Variants in PTGR3 observed in about 807,000 individuals in gnomAD.
The protein encoded by PTGR3 is zinc binding alcohol dehydrogenase domain containing 2.
At chr18:75,202,192 C>T in the PTGR3 span, 3 of 1,614,178 alleles carry the variant, frequency 1.9e-6, no homozygotes, top group Non-Finnish European at 1.7e-6. Flanking sequence ...TAAGCCACAG[C>T]TTGGCCAACT....
At chr18:75,201,518 A>G in the PTGR3 span, 2 of 1,614,222 alleles carry the variant, frequency 1.2e-6, no homozygotes, top group Non-Finnish European at 1.7e-6. Flanking sequence ...ACTCCAGGCC[A>G]GTAAACCTGC....
chr18:75,203,524 A>G, the PTGR3 span, among the ~76,000 whole-genome samples: 1 of 152,186 alleles, frequency 6.6e-6, no homozygotes, highest in Non-Finnish European at 1.5e-5. Context: ...ATCATCCCCC[A>G]TGTATCTACA....
At chr18:75,201,666 T>C in the PTGR3 span, 9 of 1,614,232 alleles carry the variant, frequency 5.6e-6, no homozygotes, top group African/African-American at 1.3e-5. Flanking sequence ...GGCAGATTTC[T>C]TGAGCAGTTT....
At chr18:75,207,029 G>T in the PTGR3 span, among the ~76,000 whole-genome samples, 1 of 152,146 alleles carries the variant, frequency 6.6e-6, no homozygotes, top group Non-Finnish European at 1.5e-5. Context: ...AAGCCTGAAG[G>T]GAGAGGAATC....
At chr18:75,204,678 C>T in the PTGR3 span, among the ~76,000 whole-genome samples, 1 of 152,108 alleles carries the variant, frequency 6.6e-6, no homozygotes, top group African/African-American at 2.4e-5. Flanking sequence ...CCCCAACTCC[C>T]GGGCGGGCCG....
chr18:75,196,841 A>G, the PTGR3 span: 1 of 152,122 alleles, frequency 6.6e-6, no homozygotes, highest in South Asian at 2.1e-4. Context: ...AATAGACTCG[A>G]GGACAATGTG....
chr18:75,205,489 G>C, the PTGR3 span: 2 of 985,406 alleles, frequency 2.0e-6, no homozygotes, highest in Non-Finnish European at 2.4e-6. Flanking sequence ...AAAAGAATAG[G>C]ACCGGCGCAG....
the PTGR3 span, chr18:75,209,025 T>A: frequency 6.3e-7 from 1 of 1,576,694 alleles, no homozygotes; most frequent in Non-Finnish European, 8.6e-7. The surrounding 1 kb of genome is among the most constrained non-coding windows in gnomAD (Gnocchi z 4.7). Context: ...ATGTCCACGA[T>A]GGCCCGGGCC....
chr18:75,204,227 G>T, the PTGR3 span, among the ~76,000 whole-genome samples: 1 of 152,234 alleles, frequency 6.6e-6, no homozygotes, highest in Non-Finnish European at 1.5e-5. Context: ...GGCGCGCCCT[G>T]GGGGGCTCTG....
At chr18:75,209,119 C>CGCTCGGCTCGGCTGT in the PTGR3 span, 1 of 1,365,682 alleles carries the variant, frequency 7.3e-7, no homozygotes, top group Non-Finnish European at 9.5e-7. This position sits in a 1 kb window ranked among gnomAD's most constrained non-coding sequence, Gnocchi z 4.7. Flanking sequence ...CCGCCCGGGC[C>CGCTCGGCTCGGCTGT]GCTCGGCTCG....
chr18:75,195,929 C>T, the PTGR3 span: 2 of 152,092 alleles, frequency 1.3e-5, no homozygotes, highest in Non-Finnish European at 2.9e-5. Context: ...AACAAAAACA[C>T]AAATTGAGTC....
At chr18:75,201,993 C>G in the PTGR3 span, 1 of 1,614,206 alleles carries the variant, frequency 6.2e-7, no homozygotes, top group Non-Finnish European at 8.5e-7. Flanking sequence ...GGCAAACTGG[C>G]CCGTTCCCCC....
the PTGR3 span, chr18:75,205,273 G>A: frequency 1.3e-5 from 13 of 985,592 alleles, no homozygotes; most frequent in Non-Finnish European, 1.6e-5. Context: ...GCGAATGCGG[G>A]GCTCGGGATG....
the PTGR3 span, among the ~76,000 whole-genome samples, chr18:75,204,573 C>G: frequency 6.6e-6 from 1 of 152,188 alleles, no homozygotes; most frequent in Non-Finnish European, 1.5e-5. Flanking sequence ...GTCCATCTAA[C>G]TCCCTCTCCC....
At chr18:75,201,764 C>T in the PTGR3 span, 6 of 1,614,232 alleles carry the variant, frequency 3.7e-6, no homozygotes, top group South Asian at 2.2e-5. Flanking sequence ...AGCGCCCTTT[C>T]GTAGCCAGGG....
At chr18:75,198,210 A>G in the PTGR3 span, 1 of 152,222 alleles carries the variant, frequency 6.6e-6, no homozygotes, top group Admixed American at 6.5e-5. Flanking sequence ...GTCTTAAATG[A>G]TATCATTTGT....
At chr18:75,209,008 G>A in the PTGR3 span, 13 of 1,587,438 alleles carry the variant, frequency 8.2e-6, no homozygotes, top group South Asian at 1.1e-5. This position sits in a 1 kb window ranked among gnomAD's most constrained non-coding sequence, Gnocchi z 4.7. Context: ...AGTGGCGGGC[G>A]TACGACATGT....
chr18:75,205,496 G>A, the PTGR3 span: 10 of 985,224 alleles, frequency 1.0e-5, no homozygotes, highest in African/African-American at 1.7e-5. Context: ...TAGGACCGGC[G>A]CAGGCATTCT....
chr18:75,204,070 C>T, the PTGR3 span, among the ~76,000 whole-genome samples: 1 of 152,272 alleles, frequency 6.6e-6, no homozygotes, highest in South Asian at 2.1e-4. Context: ...TTAACCCTTC[C>T]CACGCCCTTC....
Sources: allele counts gnomAD v4.1 joint callset (sites outside exome capture counted in the v4.1 genomes callset), GRCh38; gene constraint gnomAD v4.1.1; non-coding constraint Gnocchi (gnomAD v3.1); transcripts MANE v1.5; gene names NCBI Gene and HGNC (gene_info 2026-07-23, HGNC 2026-07-21).